CC2D2B: variants seen among roughly 807,000 people sequenced by gnomAD.
The protein encoded by CC2D2B is protein CC2D2B.
In CC2D2B, 128 loss-of-function variants were observed where a neutral mutation model predicts 161.2. The ratio of observed to expected loss-of-function variants is 0.79; its 90% CI spans 0.69 to 0.92. The LOEUF is 0.92. Among genes scored for constraint, CC2D2B ranks in the 40% least tolerant of loss-of-function variants. The probability of loss-of-function intolerance (pLI) is 0.00; values close to 1 mark genes in which losing one functional copy is unlikely to be tolerated. For synonymous variants in CC2D2B, 391 were observed against 449.8 expected, an observed-to-expected ratio of 0.87 and a Z score of 1.65; for missense variants, 1,173 against 1,375.1, an observed-to-expected ratio of 0.85 and a Z score of 2.32.
intron 13 of CC2D2B, 47 bp from the exon 14 acceptor site, chr10:95,966,143 C>A: frequency 2.6e-6 from 2 of 776,452 alleles, no homozygotes; most frequent in Non-Finnish European, 3.5e-6. Flanking sequence ...AAATGTCCTA[C>A]ACAGGGATGT....
intron 2 of CC2D2B, among the ~76,000 whole-genome samples, chr10:95,918,091 G>A (rs995837016): frequency 1.3e-5 from 2 of 152,072 alleles, no homozygotes; most frequent in Non-Finnish European, 1.5e-5. Context: ...AGTTGTTGTA[G>A]TTATTATTTT....
At position 95,983,651 on chromosome 10, in the gene CC2D2B, G is replaced by A; in HGVS notation, c.2128G>A (p.Glu710Lys). The A allele has an allele frequency of 3.2e-6, 4 of 1,231,788 alleles. No individual in the cohort carries two copies. Among genetic ancestry groups the A allele is most frequent in the Non-Finnish European group, 3.0e-6 (3 of 987,752 alleles). 76.3% of individuals were successfully genotyped at this position (1,231,788 alleles called of 1,614,324 possible). ...GQDIPKYFRL[E>K]QLQDEFNFVS... is the part of the protein sequence containing the mutation. The stretch of plus-strand genomic sequence containing the variant: ...GGATATTCCAAAGTATTTTCGTCTT[G>A]AACAGTTGCAAGATGAATTTAACTT... Residue 710 changes from glutamate (E) to lysine (K), a missense_variant, in exon 19 of 35, where the codon GAA becomes AAA. Glu to Lys is a moderately conservative substitution (Grantham distance 56, BLOSUM62 1). Around this residue, in one of 3 missense-constraint regions of CC2D2B, gnomAD observed 277 missense variants for 420.6 expected, o/e 0.66. Transcript: ENST00000646931.
intron 15 of CC2D2B, among the ~76,000 whole-genome samples, chr10:95,970,112 A>G (rs66851219): frequency 0.14 from 20,608 of 149,404 alleles, 1,482 homozygotes; most frequent in Middle Eastern, 0.2. Context: ...CCCAGCCACC[A>G]CAACCTCCAC....
In CC2D2B at chr10:95,927,334, T is replaced by C. The variant is rs745547468; in HGVS notation, c.336+2T>C. On this transcript the variant is annotated splice_donor_variant, in intron 6 of 34. Transcript: ENST00000646931. LOFTEE classifies it high-confidence loss of function. ...GCTTTGGGCAAGTCTTCAGAGCAGG[T>C]TGGATTTGTTTGCCTCCCTCCCACC... 6 of 1,515,132 alleles carry C rather than the reference T, an allele frequency of 4.0e-6. 1 individual carries two copies. The South Asian group carries it at 6.1e-5, about 15-fold the overall frequency. 93.9% of individuals were successfully genotyped at this position (1,515,132 alleles called of 1,614,324 possible).
intron 34 of CC2D2B, among the ~76,000 whole-genome samples, chr10:96,030,216 C>T (rs1263599910): frequency 1.3e-5 from 2 of 152,080 alleles, no homozygotes; most frequent in Non-Finnish European, 2.9e-5. Flanking sequence ...CAAATTTATA[C>T]ATTCAGCCAG....
chr10:95,939,251 G>C (rs2075937554), intron 9 of CC2D2B, among the ~76,000 whole-genome samples: 1 of 152,066 alleles, frequency 6.6e-6, no homozygotes, highest in African/African-American at 2.4e-5. Context: ...ACTCTTGTCT[G>C]TTAGTTTTAC....
chr10:95,999,900 G>A, intron 24 of CC2D2B: 1 of 503,758 alleles, frequency 2.0e-6, no homozygotes, highest in Non-Finnish European at 3.8e-6. Context: ...CTTTCTCTCT[G>A]GCTTCTTTTT....
At chr10:95,926,170 A>G (rs1325528755) in intron 5 of CC2D2B, among the ~76,000 whole-genome samples, 2 of 152,200 alleles carry the variant, frequency 1.3e-5, no homozygotes, top group African/African-American at 4.8e-5. Flanking sequence ...CCTAAATTGG[A>G]TTTAATTTCA....
At chr10:95,918,818 C>G (rs537661892) in intron 2 of CC2D2B, 1 of 151,970 alleles carries the variant, frequency 6.6e-6, no homozygotes, top group African/African-American at 2.4e-5. Context: ...TTTCTTTTGT[C>G]TCCTCTGACT....
At chr10:95,996,960 T>C (rs1000501878) in intron 24 of CC2D2B, among the ~76,000 whole-genome samples, 3 of 152,192 alleles carry the variant, frequency 2.0e-5, no homozygotes, top group African/African-American at 2.4e-5. Flanking sequence ...TCTTCCGCCA[T>C]GTGAGGACAC....
chr10:95,982,899 G>A (rs1564638766), intron 18 of CC2D2B, among the ~76,000 whole-genome samples: 1 of 152,102 alleles, frequency 6.6e-6, no homozygotes, highest in Non-Finnish European at 1.5e-5. Context: ...AGCCTCTCGT[G>A]TAGCTGGGAT....
At chr10:96,000,271 G>C (rs2078420456) in intron 24 of CC2D2B, 1 of 1,131,420 alleles carries the variant, frequency 8.8e-7, no homozygotes, top group Non-Finnish European at 1.1e-6. Context: ...GAAGATGGCT[G>C]CTCCAGCCGA....
At chr10:96,025,152 AAAATATAT>A (rs1481129824) in intron 33 of CC2D2B, among the ~76,000 whole-genome samples, 20 of 25,140 alleles carry the variant, frequency 8.0e-4, no homozygotes, top group African/African-American at 1.8e-3. Context: ...CTACTAAAAA[AAAATATAT>A]ATATATATAT....
At chr10:95,927,100 C>A in intron 5 of CC2D2B, 137 bp from the exon 6 acceptor site, 4 of 544,894 alleles carry the variant, frequency 7.3e-6, no homozygotes, top group South Asian at 2.8e-5. Context: ...GCTAAATATA[C>A]CTTGATATTG....
At chr10:95,977,290 G>A (rs964548703) in intron 17 of CC2D2B, among the ~76,000 whole-genome samples, 5 of 152,122 alleles carry the variant, frequency 3.3e-5, no homozygotes, top group African/African-American at 7.2e-5. Flanking sequence ...CAGGAGAATC[G>A]CTTGAACCTG....
chr10:96,005,114 C>T (rs866593156), intron 25 of CC2D2B, among the ~76,000 whole-genome samples: 2 of 152,158 alleles, frequency 1.3e-5, no homozygotes, highest in Non-Finnish European at 2.9e-5. Context: ...GATAGCTTTT[C>T]TCCAAGGAGT....
Position 96,032,049 on chromosome 10 carries a change from C to G in CC2D2B, c.*41C>G. ...AAGTAAAAGATTGTACTATAGTCCT[C>G]TAGTACCAACAAAAACTTTTCTGGT... On this transcript the variant is annotated 3_prime_UTR_variant, in exon 35 of 35. Coordinates refer to ENST00000646931, the MANE Select transcript of CC2D2B (RefSeq NM_001349008.3). 1 of 1,460,972 alleles carries G rather than the reference C, an allele frequency of 6.8e-7. No homozygotes were observed. Among genetic ancestry groups the G allele is most frequent in the South Asian group, 1.2e-5 (1 of 82,548 alleles). 90.5% of individuals were successfully genotyped at this position (1,460,972 alleles called of 1,614,324 possible). A position where few individuals can be genotyped will look rare whatever the true frequency, so the allele number is the denominator to read the frequency against.
chr10:95,981,269 G>A (rs961260396), intron 17 of CC2D2B, among the ~76,000 whole-genome samples: 1 of 152,034 alleles, frequency 6.6e-6, no homozygotes. Context: ...GCACGTGCCT[G>A]TAGTCTCAGC....
intron 17 of CC2D2B, among the ~76,000 whole-genome samples, chr10:95,980,922 T>C (rs1255206267): frequency 1.3e-5 from 2 of 152,168 alleles, no homozygotes; most frequent in Non-Finnish European, 2.9e-5. Flanking sequence ...ATTTCTCTAG[T>C]TACACATGAT....
Sources: gnomAD v4.1 joint callset for allele counts (sites outside exome capture counted in the v4.1 genomes callset) on GRCh38, gnomAD v4.1.1 for gene constraint, gnomAD v4.1.1 regional missense constraint, MANE v1.5 for transcripts, NCBI Gene and HGNC (gene_info 2026-07-23, HGNC 2026-07-21) for gene names.